The following LAMA2 variants were observed in gnomAD, a reference collection of about 807,000 sequenced individuals.
LAMA2 encodes laminin subunit alpha-2.
Under a neutral mutation model 364.8 loss-of-function variants are expected in LAMA2, and 269 were observed. The ratio of observed to expected loss-of-function variants is 0.74; its 90% CI spans 0.67 to 0.82. The LOEUF is 0.82. Ranked by LOEUF, LAMA2 falls within the 40% of genes least tolerant of loss-of-function variation. LAMA2 has a pLI of 0.00. For synonymous variants in LAMA2, 1,379 were observed against 1,370.6 expected, an observed-to-expected ratio of 1.01 and a Z score of -0.14; for missense variants, 3,807 against 3,873.2, an observed-to-expected ratio of 0.98 and a Z score of 0.45.
chr6:129,082,532 A>C (rs1328059867), intron 3 of LAMA2, among the ~76,000 whole-genome samples: 1 of 152,146 alleles, frequency 6.6e-6, no homozygotes, highest in Non-Finnish European at 1.5e-5. Flanking sequence ...TGATTGCATA[A>C]TGTGGAGATT....
intron 1 of LAMA2, among the ~76,000 whole-genome samples, chr6:128,904,047 C>T (rs17723068): frequency 0.018 from 2,709 of 152,272 alleles, 41 homozygotes; most frequent in Non-Finnish European, 0.023. Context: ...ATTCTAGAAC[C>T]GCCATTTCCT....
intron 1 of LAMA2, among the ~76,000 whole-genome samples, chr6:128,892,503 G>C (rs75952011): frequency 3.1e-3 from 473 of 152,002 alleles, no homozygotes; most frequent in African/African-American, 0.011. Flanking sequence ...AATATGTTTA[G>C]ATAAATATAT....
intron 40 of LAMA2, among the ~76,000 whole-genome samples, chr6:129,417,198 C>G (rs1265701501): frequency 6.6e-6 from 1 of 152,100 alleles, no homozygotes; most frequent in African/African-American, 2.4e-5. Context: ...GTCCCACATC[C>G]TGGAAGAATG....
intron 28 of LAMA2, among the ~76,000 whole-genome samples, 190 bp from the exon 29 acceptor site, chr6:129,328,088 G>A (rs113876465): frequency 2.9e-4 from 44 of 152,196 alleles, no homozygotes; most frequent in Middle Eastern, 3.4e-3. Context: ...CATGGATGCC[G>A]CCCGAACACC....
intron 12 of LAMA2, among the ~76,000 whole-genome samples, chr6:129,237,147 G>C (rs1399536864): frequency 1.3e-5 from 2 of 152,110 alleles, no homozygotes; most frequent in African/African-American, 4.8e-5. Flanking sequence ...GTGGTGTTTT[G>C]AGAATGTAAT....
rs372962551 is a variant in LAMA2, at chr6:129,312,825, TTG to T, written c.3175-32_3175-31del. 140,905 of 1,371,902 alleles carry T rather than the reference TTG, an allele frequency of 0.1. 10,107 individuals carry two copies. Among genetic ancestry groups the T allele is most frequent in the East Asian group, 0.39 (16,894 of 43,738 alleles). The allele number at this position is 1,371,902 out of a possible 1,614,324, so 85.0% of individuals were successfully genotyped here. A position where few individuals can be genotyped will look rare whatever the true frequency, so the allele number is the denominator to read the frequency against. ...AAATTTTAAGATATTTCCCATAAAG[TTG>T]TGTTAATGGTTGCTGTTTTTATCTC... On this transcript the variant is annotated intron_variant, in intron 22 of 64. Transcript: ENST00000421865.
At chr6:129,293,522 G>C (rs1478282533) in intron 20 of LAMA2, among the ~76,000 whole-genome samples, 2 of 152,194 alleles carry the variant, frequency 1.3e-5, no homozygotes, top group East Asian at 3.8e-4. Flanking sequence ...CACATCAATT[G>C]TGCTTATGTG....
intron 4 of LAMA2, among the ~76,000 whole-genome samples, chr6:129,117,344 T>C (rs1776536833): frequency 6.6e-6 from 1 of 152,210 alleles, no homozygotes. Context: ...TACTCAATGA[T>C]GATTCATGTG....
At chr6:129,279,226 A>G (rs1279643964) in intron 17 of LAMA2, among the ~76,000 whole-genome samples, 2 of 152,162 alleles carry the variant, frequency 1.3e-5, no homozygotes, top group African/African-American at 4.8e-5. Flanking sequence ...TCGAGAACGC[A>G]TTACCGTGTG....
chr6:129,316,280 A>G, intron 27 of LAMA2, 109 bp downstream of exon 27: 1 of 891,668 alleles, frequency 1.1e-6, no homozygotes, highest in Non-Finnish European at 1.8e-6. Context: ...GTTTTGCAGT[A>G]TAATGATAGA....
At chr6:129,092,890 A>C (rs1349667404) in intron 3 of LAMA2, among the ~76,000 whole-genome samples, 1 of 152,154 alleles carries the variant, frequency 6.6e-6, no homozygotes, top group African/African-American at 2.4e-5. Flanking sequence ...TTACAGAATC[A>C]CACTTTGGCT....
chr6:129,107,108 G>C (rs1468457044), intron 4 of LAMA2, among the ~76,000 whole-genome samples: 1 of 152,088 alleles, frequency 6.6e-6, no homozygotes, highest in Non-Finnish European at 1.5e-5. Context: ...GGTTGTGAAA[G>C]AAGGTACAAA....
chr6:129,292,328 C>T (rs561686234), intron 20 of LAMA2, among the ~76,000 whole-genome samples: 15 of 152,066 alleles, frequency 9.9e-5, no homozygotes, highest in Non-Finnish European at 1.8e-4. Context: ...CCTGGGCGAC[C>T]GAGTGAGACT....
At chr6:129,377,674 T>C (rs1181156307) in intron 34 of LAMA2, among the ~76,000 whole-genome samples, 1 of 152,234 alleles carries the variant, frequency 6.6e-6, no homozygotes, top group East Asian at 1.9e-4. Context: ...GGAAACCATA[T>C]GAGTCCACAA....
intron 1 of LAMA2, among the ~76,000 whole-genome samples, chr6:128,982,321 A>G (rs1157719832): frequency 6.6e-6 from 1 of 152,068 alleles, no homozygotes. Context: ...TTACATACCT[A>G]CTGTGTATCT....
In LAMA2 at chr6:129,059,779, A is replaced by G; in HGVS notation, c.284-5A>G. The stretch of plus-strand genomic sequence containing the variant: ...TCCTTTCATATGATGCTGCTAACTC[A>G]ATAGAGAGACACCCGATTACAAATG... On this transcript the variant is annotated splice_region_variant and splice_polypyrimidine_tract_variant and intron_variant, in intron 2 of 64. Transcript: ENST00000421865. 1 of 1,551,652 alleles carries G rather than the reference A, an allele frequency of 6.4e-7. No individual in the cohort carries two copies. Among genetic ancestry groups the G allele is most frequent in the Non-Finnish European group, 8.9e-7 (1 of 1,123,162 alleles).
chr6:129,167,006 T>A (rs970104496), intron 9 of LAMA2, among the ~76,000 whole-genome samples: 3 of 152,176 alleles, frequency 2.0e-5, no homozygotes, highest in Non-Finnish European at 4.4e-5. Flanking sequence ...ATAATACTTA[T>A]TCCATATAAT....
At chr6:129,161,739 G>A (rs1225332155) in intron 8 of LAMA2, among the ~76,000 whole-genome samples, 1 of 152,104 alleles carries the variant, frequency 6.6e-6, no homozygotes, top group Non-Finnish European at 1.5e-5. Context: ...ACTCATAAGA[G>A]AGAACATGCA....
intron 48 of LAMA2, among the ~76,000 whole-genome samples, chr6:129,458,067 T>C (rs564764485): frequency 2.6e-5 from 4 of 152,240 alleles, no homozygotes; most frequent in African/African-American, 9.6e-5. Context: ...CAGATACTAA[T>C]ATTCTCATTC....
Sources: allele counts gnomAD v4.1 joint callset (sites outside exome capture counted in the v4.1 genomes callset), GRCh38; gene constraint gnomAD v4.1.1; transcripts MANE v1.5; gene names NCBI Gene and HGNC (gene_info 2026-07-23, HGNC 2026-07-21).